ANGPTL5: variants seen among roughly 807,000 people sequenced by gnomAD.
ANGPTL5 encodes the protein angiopoietin like 5, also known as angiopoietin-related protein 5.
ANGPTL5 carries 34 observed loss-of-function variants against 39.4 expected under a neutral mutation model. The observed-to-expected ratio is 0.86, with a 90% CI of 0.66 to 1.15. The LOEUF (loss-of-function observed/expected upper bound fraction) is 1.15. Among genes scored for constraint, ANGPTL5 ranks in the 50% most tolerant of loss-of-function variants. ANGPTL5 has a pLI of 0.00. For synonymous variants in ANGPTL5, 146 were observed against 152.1 expected, an observed-to-expected ratio of 0.96 and a Z score of 0.29; for missense variants, 467 against 457.5, an observed-to-expected ratio of 1.02 and a Z score of -0.19.
At chr11:101,914,039 AT>A (rs1381073454) in intron 1 of ANGPTL5, among the ~76,000 whole-genome samples, 1 of 152,248 alleles carries the variant, frequency 6.6e-6, no homozygotes, top group Non-Finnish European at 1.5e-5. Context: ...GCCAGTGTAC[AT>A]TCCAATTTGA....
chr11:101,898,053 A>G (rs1565339013), intron 7 of ANGPTL5, among the ~76,000 whole-genome samples: 1 of 151,978 alleles, frequency 6.6e-6, no homozygotes, highest in Non-Finnish European at 1.5e-5. Context: ...GTGAAACCCC[A>G]TCTCTATTAA....
chr11:101,896,258 C>T (rs976503382), intron 7 of ANGPTL5, among the ~76,000 whole-genome samples: 1 of 151,894 alleles, frequency 6.6e-6, no homozygotes, highest in African/African-American at 2.4e-5. Flanking sequence ...TCTCGGCTCA[C>T]TGCAACTTCC....
At chr11:101,914,524 G>T (rs1940153456) in intron 1 of ANGPTL5, among the ~76,000 whole-genome samples, 1 of 152,162 alleles carries the variant, frequency 6.6e-6, no homozygotes, top group Non-Finnish European at 1.5e-5. Flanking sequence ...CAAGGAAGAC[G>T]ACTGCAGAGG....
rs1260556317 is a variant in ANGPTL5, at chr11:101,907,129, G to A, written c.215C>T (p.Thr72Ile). The change falls in exon 3 of 9, where the codon ACA (threonine) becomes ATA (isoleucine). Residue 72 changes from threonine (T) to isoleucine (I), a missense_variant. Transcript: ENST00000334289. The stretch of plus-strand genomic sequence containing the variant: ...ACACATGAAATGTTTTTCTTCTCGT[G>A]TAATTTTAGTTTTAACATCACATGA... ...EESCDVKTKI[T>I]REEKHFMCRN... 10 of 1,583,726 alleles carry A rather than the reference G, an allele frequency of 6.3e-6. No homozygotes were observed. The highest frequency in any genetic ancestry group is 8.6e-6 in the Non-Finnish European group (10 of 1,156,476).
chr11:101,910,145 T>C (rs1940064416), intron 1 of ANGPTL5, among the ~76,000 whole-genome samples: 1 of 152,116 alleles, frequency 6.6e-6, no homozygotes. Context: ...GCGCGGTGGC[T>C]CACGCCTGTA....
chr11:101,893,120 A>G (rs1263595145), intron 8 of ANGPTL5, among the ~76,000 whole-genome samples: 2 of 152,226 alleles, frequency 1.3e-5, no homozygotes, highest in Non-Finnish European at 2.9e-5. Flanking sequence ...AAGCTCCTCA[A>G]GAGATTTTAT....
intron 3 of ANGPTL5, among the ~76,000 whole-genome samples, chr11:101,906,247 T>A (rs144469887): frequency 0.022 from 3,402 of 152,284 alleles, 66 homozygotes; most frequent in African/African-American, 0.054. Flanking sequence ...AAGTTAATTT[T>A]AAAAAGTACA....
chr11:101,911,404 G>A lies in ANGPTL5; in HGVS notation c.-92-3403C>T, dbSNP rs180888225. 7.9e-5 allele frequency among the ~76,000 whole-genome samples: 12 copies of A among 152,090 alleles called. No individual in the cohort carries two copies. The South Asian group carries it at 1.7e-3, about 21-fold the overall frequency. On this transcript the variant is annotated intron_variant, in intron 1 of 8. Transcript: ENST00000334289. ...CTCCCAAAGTGCTGGGATTACAGGC[G>A]TGAGCCACCATGCCAGGCCTCCCCG...
Position 101,910,564 on chromosome 11 carries a change from A to C in ANGPTL5, c.-92-2563T>G, listed in dbSNP as rs144224577. Among the ~76,000 whole-genome samples the C allele has an allele frequency of 3.2e-4, 49 of 152,180 alleles. No homozygotes were observed. The East Asian group carries it at 8.3e-3, about 26-fold the overall frequency. Reference sequence around the variant, plus strand: ...CCACATTAATGAAATTGCATGTCTAATAGACATCTCACATTTAACATGTTT... The same window carrying C: ...CCACATTAATGAAATTGCATGTCTACTAGACATCTCACATTTAACATGTTT... On this transcript the variant is annotated intron_variant, in intron 1 of 8. Coordinates refer to ENST00000334289, the MANE Select transcript of ANGPTL5 (RefSeq NM_178127.5).
At chr11:101,901,869 T>C (rs1939906399) in intron 6 of ANGPTL5, among the ~76,000 whole-genome samples, 1 of 151,938 alleles carries the variant, frequency 6.6e-6, no homozygotes, top group African/African-American at 2.4e-5. Flanking sequence ...AGACTATCAA[T>C]AAGGTATAAG....
At chr11:101,903,076 G>A (rs1325766283) in intron 5 of ANGPTL5, among the ~76,000 whole-genome samples, 1 of 152,098 alleles carries the variant, frequency 6.6e-6, no homozygotes, top group Non-Finnish European at 1.5e-5. Flanking sequence ...AGAATGTAAT[G>A]TGTAAAGGAA....
intron 7 of ANGPTL5, 86 bp from the exon 8 acceptor site, chr11:101,895,150 T>G: frequency 8.5e-7 from 1 of 1,177,278 alleles, no homozygotes; most frequent in South Asian, 1.6e-5. Flanking sequence ...TGTTTAGCAT[T>G]TCAAAAACTC....
chr11:101,898,524 T>C (rs1324380417), intron 7 of ANGPTL5, among the ~76,000 whole-genome samples: 1 of 152,220 alleles, frequency 6.6e-6, no homozygotes, highest in Admixed American at 6.5e-5. Flanking sequence ...AAGTTGCTTA[T>C]CAGTTTAAGG....
At chr11:101,915,850 C>CATTT (rs1174509251) in intron 1 of ANGPTL5, among the ~76,000 whole-genome samples, 169 bp downstream of exon 1, 1 of 152,212 alleles carries the variant, frequency 6.6e-6, no homozygotes, top group African/African-American at 2.4e-5. Context: ...GCCCTAAATG[C>CATTT]ATTTACCAGA....
chr11:101,904,955 G>T, intron 4 of ANGPTL5, 48 bp from the exon 5 acceptor site: 3 of 1,447,406 alleles, frequency 2.1e-6, no homozygotes, highest in Non-Finnish European at 2.9e-6. Context: ...TGAAGAAATT[G>T]CCATCTCTAA....
chr11:101,896,716 T>C (rs1414400583), intron 7 of ANGPTL5, among the ~76,000 whole-genome samples: 2 of 152,246 alleles, frequency 1.3e-5, no homozygotes, highest in Admixed American at 6.5e-5. Context: ...TAGTATTCCA[T>C]GGTGTATATG....
chr11:101,910,332 C>T (rs978773183), intron 1 of ANGPTL5, among the ~76,000 whole-genome samples: 2 of 150,670 alleles, frequency 1.3e-5, no homozygotes, highest in South Asian at 2.1e-4. Context: ...ATTGCTTGAA[C>T]CCGGGAGGTA....
chr11:101,904,356 T>C (rs1939962683), intron 5 of ANGPTL5, among the ~76,000 whole-genome samples: 1 of 152,200 alleles, frequency 6.6e-6, no homozygotes, highest in Non-Finnish European at 1.5e-5. Flanking sequence ...TGCTGTATTT[T>C]AGTATAAAAA....
intron 1 of ANGPTL5, chr11:101,915,467 C>G: frequency 6.4e-7 from 1 of 1,565,530 alleles, no homozygotes; most frequent in Non-Finnish European, 8.7e-7. Flanking sequence ...CGGGGCCCAT[C>G]TTTTTCCAAT....
Sources: allele counts gnomAD v4.1 joint callset (sites outside exome capture counted in the v4.1 genomes callset), GRCh38; gene constraint gnomAD v4.1.1; transcripts MANE v1.5; gene names NCBI Gene and HGNC (gene_info 2026-07-23, HGNC 2026-07-21).